Variants in JAKMIP3 observed in about 807,000 individuals in gnomAD.
JAKMIP3 encodes Janus kinase and microtubule interacting protein 3.
A neutral mutation model predicts 118.5 loss-of-function variants in JAKMIP3; 58 were observed. The ratio of observed to expected loss-of-function variants is 0.49; its 90% CI spans 0.40 to 0.61. The LOEUF (loss-of-function observed/expected upper bound fraction) is 0.61, where lower values mean the gene tolerates loss of function less well. JAKMIP3 is among the 20% of genes least tolerant of loss of function. JAKMIP3 has a pLI of 0.00. For missense variants in JAKMIP3, 950 were observed against 1,109.0 expected (o/e 0.86, Z 2.04); for synonymous variants, 486 against 451.2 (o/e 1.08, Z -0.98).
Position 132,096,623 on chromosome 10 carries a change from C to T in JAKMIP3, c.-137-8049C>T, listed in dbSNP as rs76287129. Among the ~76,000 whole-genome samples, 735 of 152,216 alleles carry T rather than the reference C, an allele frequency of 4.8e-3. 5 individuals carry two copies. Among genetic ancestry groups the T allele is most frequent in the African/African-American group, 0.017 (697 of 41,532 alleles). On this transcript the variant is annotated intron_variant, in intron 1 of 23. Coordinates refer to ENST00000684848, the MANE Select transcript of JAKMIP3 (RefSeq NM_001323087.2). ...TTGATGAAAAAGTTGTGGCTTTGGA[C>T]CTGGCCGTGATTTTTTTTTTCTTTT...
intron 1 of JAKMIP3, among the ~76,000 whole-genome samples, chr10:132,052,341 T>G (rs1442828436): frequency 6.6e-6 from 1 of 152,234 alleles, no homozygotes; most frequent in African/African-American, 2.4e-5. Context: ...CCTTGGCACA[T>G]TTTGTTATTT....
intron 19 of JAKMIP3, among the ~76,000 whole-genome samples, chr10:132,158,411 CAGA>C (rs2057350226): frequency 6.6e-6 from 1 of 152,214 alleles, no homozygotes; most frequent in East Asian, 1.9e-4. Context: ...CACACATTTC[CAGA>C]AGATCAAAGC....
chr10:132,177,554 C>CGT (rs561608759), intron 23 of JAKMIP3, among the ~76,000 whole-genome samples: 96 of 114,340 alleles, frequency 8.4e-4, no homozygotes, highest in African/African-American at 3.3e-3. Context: ...TGCATTTGGT[C>CGT]GTGTGTGCGC....
intron 23 of JAKMIP3, among the ~76,000 whole-genome samples, chr10:132,180,736 TGC>T (rs1291131988): frequency 0.14 from 1,534 of 11,280 alleles, 305 homozygotes; most frequent in South Asian, 0.17. Flanking sequence ...TGTGCGTGTG[TGC>T]GTGCGTGCGC....
intron 3 of JAKMIP3, among the ~76,000 whole-genome samples, chr10:132,125,917 G>T (rs990061917): frequency 6.6e-6 from 1 of 152,132 alleles, no homozygotes; most frequent in Non-Finnish European, 1.5e-5. Flanking sequence ...TGTTGTATGT[G>T]AACAAAGACA....
rs539654573 is a variant in JAKMIP3 at position 132,142,196 on chromosome 10, G to A, written c.1602+148G>A. 3.2e-4 allele frequency: 288 copies of A among 893,992 alleles called. 1 individual carries two copies. Among genetic ancestry groups the A allele is most frequent in the Admixed American group, 2.0e-3 (69 of 34,724 alleles). 55.4% of individuals were successfully genotyped at this position (893,992 alleles called of 1,614,324 possible). On this transcript the variant is annotated intron_variant, in intron 11 of 23. Coordinates refer to ENST00000684848, the MANE Select transcript of JAKMIP3 (RefSeq NM_001323087.2). ...TGCCTGCAGTCCTGGTGGTGCCCAT[G>A]GAAGCCGATCAAAACCAGGGATTGG...
Position 132,133,353 on chromosome 10 carries a change from G to GGA in JAKMIP3, c.683_684dup (p.Leu229SerfsTer2). 6.2e-7 allele frequency: 1 copy of GGA among 1,601,492 alleles called. No individual in the cohort carries two copies. The highest frequency in any genetic ancestry group is 8.5e-7 in the Non-Finnish European group (1 of 1,173,964). On this transcript the variant is annotated frameshift_variant, in exon 4 of 24. Coordinates refer to ENST00000684848, the MANE Select transcript of JAKMIP3 (RefSeq NM_001323087.2). Reference sequence around the variant, plus strand: ...TTAAAGACAGAGCAGTCTTCGTGCTGGAGAGAGAGTTAGGGGTTCAAGCCG... The same window carrying GGA: ...TTAAAGACAGAGCAGTCTTCGTGCTGGAGAGAGAGAGTTAGGGGTTCAAGCCG...
chr10:132,062,622 G>T (rs1322765161), upstream of JAKMIP3, among the ~76,000 whole-genome samples: 1 of 152,236 alleles, frequency 6.6e-6, no homozygotes, highest in Non-Finnish European at 1.5e-5. Context: ...TGTAGAGTAT[G>T]ATGCCAATTA....
At chr10:132,176,603 A>G (rs1055126398) in intron 23 of JAKMIP3, among the ~76,000 whole-genome samples, 11 of 152,130 alleles carry the variant, frequency 7.2e-5, no homozygotes, top group Non-Finnish European at 1.5e-4. Context: ...ACTAACCGCT[A>G]TACGATCACG....
chr10:132,125,588 A>T (rs536251200), intron 3 of JAKMIP3, among the ~76,000 whole-genome samples: 3 of 152,274 alleles, frequency 2.0e-5, no homozygotes, highest in African/African-American at 7.2e-5. Flanking sequence ...GTTTCCACAG[A>T]AAAACTGGCA....
intron 5 of JAKMIP3, among the ~76,000 whole-genome samples, chr10:132,135,511 G>C (rs1454624532): frequency 6.6e-6 from 1 of 152,134 alleles, no homozygotes; most frequent in Non-Finnish European, 1.5e-5. Context: ...TATCCCGGAG[G>C]GTGCGTGAGC....
intron 1 of JAKMIP3, among the ~76,000 whole-genome samples, chr10:132,089,418 C>T (rs1044485502): frequency 1.3e-5 from 2 of 152,124 alleles, no homozygotes; most frequent in Non-Finnish European, 2.9e-5. Flanking sequence ...TGAAGAGGTC[C>T]TTCACATCCC....
Position 132,183,236 on chromosome 10 carries a change from C to A in JAKMIP3, c.*1983C>A, listed in dbSNP as rs1176801231. 1 of 152,206 alleles carries A rather than the reference C, an allele frequency of 6.6e-6. No individual in the cohort carries two copies. Among genetic ancestry groups the A allele is most frequent in the Non-Finnish European group, 1.5e-5 (1 of 68,054 alleles). 9.4% of individuals were successfully genotyped at this position (152,206 alleles called of 1,614,324 possible). A position where few individuals can be genotyped will look rare whatever the true frequency, so the allele number is the denominator to read the frequency against. ...CGATGGACTCTACGATGCAGGCATC[C>A]AGAAATATGTTGTAACTCTACCTGG... On this transcript the variant is annotated 3_prime_UTR_variant, in exon 24 of 24. Coordinates refer to ENST00000684848, the MANE Select transcript of JAKMIP3 (RefSeq NM_001323087.2).
intron 1 of JAKMIP3, among the ~76,000 whole-genome samples, chr10:132,068,594 T>C (rs1474023692): frequency 6.6e-6 from 1 of 152,224 alleles, no homozygotes; most frequent in Admixed American, 6.5e-5. Context: ...GTAGACGTGC[T>C]TTGGGAGCCG....
chr10:132,153,194 C>T (rs899579706), intron 17 of JAKMIP3, among the ~76,000 whole-genome samples, 171 bp downstream of exon 17: 2 of 152,240 alleles, frequency 1.3e-5, no homozygotes, highest in African/African-American at 2.4e-5. Flanking sequence ...AGACAGCACC[C>T]ACTGTGCATC....
At position 132,177,633 on chromosome 10, in the gene JAKMIP3, A is replaced by G. The variant is rs573241715; in HGVS notation, c.*1104-4724A>G. 4.6e-3 allele frequency among the ~76,000 whole-genome samples: 638 copies of G among 138,634 alleles called. 5 individuals carry two copies. Among genetic ancestry groups the G allele is most frequent in the African/African-American group, 0.017 (606 of 36,126 alleles). 90.9% of individuals were successfully genotyped at this position (138,634 alleles called of 152,430 possible). On this transcript the variant is annotated intron_variant, in intron 23 of 23. Transcript: ENST00000684848. ...GTGCATTTGGCCATGGTGTGTATAC[A>G]CTTGCTCCTGTGTCCTGGGTAGTGT...
intron 3 of JAKMIP3, among the ~76,000 whole-genome samples, chr10:132,127,420 G>A (rs929264555): frequency 3.0e-4 from 46 of 151,522 alleles, no homozygotes; most frequent in South Asian, 1.5e-3. Flanking sequence ...GTGTGTGTGC[G>A]TGTGTGTGTG....
At chr10:132,172,936 T>C (rs1038872634) in intron 23 of JAKMIP3, among the ~76,000 whole-genome samples, 3 of 148,580 alleles carry the variant, frequency 2.0e-5, no homozygotes, top group African/African-American at 7.5e-5. Context: ...CTTCCCGCCT[T>C]CCCTCTCTAC....
intron 3 of JAKMIP3, among the ~76,000 whole-genome samples, chr10:132,126,465 G>A (rs2049569561): frequency 1.3e-5 from 2 of 152,060 alleles, no homozygotes; most frequent in Admixed American, 1.3e-4. Flanking sequence ...GCCGTACCTG[G>A]CTAAGTTTTA....
Sources: allele counts gnomAD v4.1 joint callset (sites outside exome capture counted in the v4.1 genomes callset), GRCh38; gene constraint gnomAD v4.1.1; transcripts MANE v1.5; gene names NCBI Gene and HGNC (gene_info 2026-07-23, HGNC 2026-07-21).